The following SGIP1 variants were observed in gnomAD, a reference collection of about 807,000 sequenced individuals.
SGIP1 encodes SH3-containing GRB2-like protein 3-interacting protein 1.
In SGIP1, 38 loss-of-function variants were observed where a neutral mutation model predicts 107.5. That is an observed-to-expected ratio of 0.35 (90% CI 0.27 to 0.46). The LOEUF is 0.46. Among genes scored for constraint, SGIP1 ranks in the 20% least tolerant of loss-of-function variants. SGIP1 has a pLI of 1.00. For synonymous variants in SGIP1, 365 were observed against 366.1 expected (o/e 1.00, Z 0.03); for missense variants, 929 against 1,019.5 (o/e 0.91, Z 1.21).
chr1:66,617,037 G>A lies in SGIP1; in HGVS notation c.11-8810G>A, dbSNP rs190714915. Among the ~76,000 whole-genome samples the A allele has an allele frequency of 2.6e-5, 4 of 152,290 alleles. No individual in the cohort carries two copies. The East Asian group carries it at 7.7e-4, about 29-fold the overall frequency. On this transcript the variant is annotated intron_variant, in intron 1 of 24. Transcript: ENST00000371037. ...AGGTATTATCTTGTAAAGAGGTTTT[G>A]TGCATACTTAGTACAGAGATCACCT...
intron 1 of SGIP1, among the ~76,000 whole-genome samples, chr1:66,535,853 A>C (rs775074250): frequency 1.3e-5 from 2 of 152,146 alleles, no homozygotes; most frequent in Non-Finnish European, 2.9e-5. Flanking sequence ...TTCTTCAGAA[A>C]AAATATCTTG....
chr1:66,614,711 C>T (rs1387414065), intron 1 of SGIP1, among the ~76,000 whole-genome samples: 1 of 151,294 alleles, frequency 6.6e-6, no homozygotes, highest in Non-Finnish European at 1.5e-5. Context: ...ATAGAAAGGG[C>T]AGTACCATGT....
At chr1:66,584,395 A>G (rs2062249566) in intron 1 of SGIP1, among the ~76,000 whole-genome samples, 1 of 152,132 alleles carries the variant, frequency 6.6e-6, no homozygotes, top group Non-Finnish European at 1.5e-5. Flanking sequence ...AGGACTTCAC[A>G]GGTTATCCAT....
intron 1 of SGIP1, among the ~76,000 whole-genome samples, chr1:66,555,406 G>A (rs1417567270): frequency 1.3e-5 from 2 of 152,002 alleles, no homozygotes; most frequent in Non-Finnish European, 2.9e-5. Context: ...CTGCAACTCT[G>A]TTCATTTAAT....
chr1:66,735,278 C>T (rs562707471), intron 21 of SGIP1, among the ~76,000 whole-genome samples: 16 of 152,174 alleles, frequency 1.1e-4, no homozygotes, highest in African/African-American at 1.9e-4. Context: ...TGCAGTGGCA[C>T]GATCTCGGCT....
intron 19 of SGIP1, among the ~76,000 whole-genome samples, chr1:66,722,717 A>G (rs1369331133): frequency 1.3e-5 from 2 of 152,158 alleles, no homozygotes; most frequent in Non-Finnish European, 1.5e-5. Flanking sequence ...CGTATTTTTT[A>G]ATTCCAATAA....
At chr1:66,721,522 C>T (rs776043651) in intron 19 of SGIP1, among the ~76,000 whole-genome samples, 15 of 152,200 alleles carry the variant, frequency 9.9e-5, no homozygotes, top group African/African-American at 1.4e-4. Context: ...AATTCTCCCA[C>T]TTCAGCCTCC....
intron 18 of SGIP1, chr1:66,704,848 C>T (rs1340203051): frequency 6.6e-6 from 1 of 152,196 alleles, no homozygotes; most frequent in African/African-American, 2.4e-5. Context: ...TATATTTAAT[C>T]AGCACCACAT....
intron 1 of SGIP1, among the ~76,000 whole-genome samples, chr1:66,543,303 A>G (rs771915724): frequency 6.6e-6 from 1 of 152,192 alleles, no homozygotes; most frequent in Non-Finnish European, 1.5e-5. Flanking sequence ...TGAGGAGGAC[A>G]GCTCGGTGTT....
chr1:66,630,891 GAAAGAAAGAAA>G (rs2074298997), intron 2 of SGIP1, among the ~76,000 whole-genome samples: 1 of 55,708 alleles, frequency 1.8e-5, no homozygotes, highest in African/African-American at 8.8e-5. Flanking sequence ...AAGAAAGAAA[GAAAGAAAGAAA>G]GAAGGGAGGG....
chr1:66,626,679 C>A (rs1176282298), intron 2 of SGIP1, among the ~76,000 whole-genome samples: 1 of 152,132 alleles, frequency 6.6e-6, no homozygotes, highest in African/African-American at 2.4e-5. Context: ...ATGTGAAGTC[C>A]ACTGGCCGGG....
intron 1 of SGIP1, among the ~76,000 whole-genome samples, chr1:66,564,949 T>C (rs2059443138): frequency 6.6e-6 from 1 of 151,972 alleles, no homozygotes; most frequent in South Asian, 2.1e-4. Flanking sequence ...ACAATAACCC[T>C]GTGGGGCTTA....
At chr1:66,588,988 G>A (rs6696366) in intron 1 of SGIP1, among the ~76,000 whole-genome samples, 28,108 of 150,450 alleles carry the variant, frequency 0.19, 3,112 homozygotes, top group African/African-American at 0.31. Flanking sequence ...AGCACAAGAA[G>A]CAAAAACAGA....
In SGIP1 at chr1:66,743,209, C is replaced by T; in HGVS notation, c.*114C>T. The stretch of plus-strand genomic sequence containing the variant: ...ACCAATATCTGCACTTGGGATATAT[C>T]AGGTGGAAAGTCAATGACTTTCATC... On this transcript the variant is annotated 3_prime_UTR_variant, in exon 25 of 25. Coordinates refer to ENST00000371037, the MANE Select transcript of SGIP1 (RefSeq NM_032291.4). The T allele has an allele frequency of 9.4e-7, 1 of 1,067,812 alleles. No individual in the cohort carries two copies. The highest frequency in any genetic ancestry group is 1.4e-6 in the Non-Finnish European group (1 of 714,740). 66.1% of individuals were successfully genotyped at this position (1,067,812 alleles called of 1,614,324 possible).
In SGIP1 at chr1:66,682,209, G is replaced by T; in HGVS notation, c.1155G>T (p.Glu385Asp). The T allele has an allele frequency of 6.2e-7, 1 of 1,614,242 alleles. No individual in the cohort carries two copies. The highest frequency in any genetic ancestry group is 8.5e-7 in the Non-Finnish European group (1 of 1,180,042). Residue 385 changes from glutamate to aspartate, a missense_variant, in exon 15 of 25, where the codon GAG becomes GAT. Transcript: ENST00000371037. ...AAGAAGTCCAGAAGAAAGTCGCTGAGCAGACCTTCATTAAAGATGATTACT... is the reference window on the plus strand; with the variant it reads ...AAGAAGTCCAGAAGAAAGTCGCTGATCAGACCTTCATTAAAGATGATTACT... ...NLEEVQKKVA[E>D]QTFIKDDYLE...
At chr1:66,543,237 A>G (rs2055443417) in intron 1 of SGIP1, among the ~76,000 whole-genome samples, 1 of 152,078 alleles carries the variant, frequency 6.6e-6, no homozygotes, top group Non-Finnish European at 1.5e-5. Context: ...ACCTTCTACC[A>G]CACGTTTTAT....
chr1:66,631,043 GGAAGA>G (rs2074462536), intron 2 of SGIP1, among the ~76,000 whole-genome samples: 2 of 114,380 alleles, frequency 1.7e-5, no homozygotes, highest in African/African-American at 7.2e-5. Context: ...AAGGAAGAAA[GGAAGA>G]AAGAAAGAAA....
At chr1:66,599,207 C>T (rs1558024866) in intron 1 of SGIP1, among the ~76,000 whole-genome samples, 1 of 152,154 alleles carries the variant, frequency 6.6e-6, no homozygotes, top group East Asian at 1.9e-4. Flanking sequence ...TTAGGTATTT[C>T]TGTTTTATGA....
At chr1:66,622,140 T>C (rs2071306959) in intron 1 of SGIP1, among the ~76,000 whole-genome samples, 1 of 152,150 alleles carries the variant, frequency 6.6e-6, no homozygotes, top group Admixed American at 6.5e-5. Flanking sequence ...GATATAGAAT[T>C]GCCTAGGACA....
Sources: allele counts gnomAD v4.1 joint callset (sites outside exome capture counted in the v4.1 genomes callset), GRCh38; gene constraint gnomAD v4.1.1; transcripts MANE v1.5; gene names NCBI Gene and HGNC (gene_info 2026-07-23, HGNC 2026-07-21).